ANKS1B: variants seen among roughly 807,000 people sequenced by gnomAD.
The protein encoded by ANKS1B is ankyrin repeat and sterile alpha motif domain containing 1B.
In ANKS1B, 36 loss-of-function variants were observed where a neutral mutation model predicts 148.3. That is an observed-to-expected ratio of 0.24 (90% CI 0.19 to 0.32). The LOEUF (loss-of-function observed/expected upper bound fraction) is 0.32, where lower values mean the gene tolerates loss of function less well. Among genes scored for constraint, ANKS1B ranks in the 10% least tolerant of loss-of-function variants. The pLI is 1.00. For synonymous variants in ANKS1B, 542 were observed against 560.8 expected (o/e 0.97, Z 0.47); for missense variants, 1,157 against 1,542.6 (o/e 0.75, Z 4.19).
intron 1 of ANKS1B, among the ~76,000 whole-genome samples, chr12:99,974,066 T>C (rs1049218109): frequency 2.0e-5 from 3 of 152,190 alleles, no homozygotes; most frequent in Admixed American, 6.5e-5. Context: ...TTCATTACTG[T>C]CTCATTTAAG....
intron 1 of ANKS1B, among the ~76,000 whole-genome samples, chr12:99,887,198 C>T (rs898720850): frequency 1.4e-4 from 21 of 152,206 alleles, no homozygotes; most frequent in Middle Eastern, 3.4e-3. Flanking sequence ...ACTGCAATGC[C>T]GCACTGTCCA....
At chr12:99,494,504 TG>T (rs954926662) in intron 10 of ANKS1B, among the ~76,000 whole-genome samples, 2 of 151,646 alleles carry the variant, frequency 1.3e-5, no homozygotes, top group African/African-American at 4.8e-5. Flanking sequence ...GAGGCCGAGG[TG>T]GGCGGGTTAC....
chr12:99,487,418 A>T (rs551021888), intron 10 of ANKS1B, among the ~76,000 whole-genome samples: 1 of 152,218 alleles, frequency 6.6e-6, no homozygotes, highest in African/African-American at 2.4e-5. Context: ...ATGCTTTTCT[A>T]TGTTTGTATA....
rs530554908 is a variant in ANKS1B at position 99,107,469 on chromosome 12, AAG to A, written c.2527-22448_2527-22447del. On this transcript the variant is annotated intron_variant, in intron 15 of 26. Transcript: ENST00000683438. ...CATACTCAACAGCCTGTAACATCAC[AAG>A]GACTGTCTTTGGGGTATCCATTTCT... 1.2e-4 allele frequency among the ~76,000 whole-genome samples: 18 copies of A among 152,338 alleles called. No individual in the cohort carries two copies. The South Asian group carries it at 3.5e-3, about 30-fold the overall frequency.
chr12:99,623,998 T>C lies in ANKS1B; in HGVS notation c.1272+31069A>G, dbSNP rs531887558. 6.6e-5 allele frequency among the ~76,000 whole-genome samples: 10 copies of C among 152,180 alleles called. No individual in the cohort carries two copies. In the East Asian group the frequency reaches 1.9e-3, roughly 29 times the overall value. On this transcript the variant is annotated intron_variant, in intron 9 of 26. Transcript: ENST00000683438. ...GTTGGATACATCTTATTACCCAACG[T>C]TGAACTATGCTATAAGGCTATAGTA... is the stretch of plus-strand genomic sequence containing the variant.
chr12:99,004,240 T>C (rs1308166099), intron 17 of ANKS1B, among the ~76,000 whole-genome samples: 1 of 152,190 alleles, frequency 6.6e-6, no homozygotes, highest in African/African-American at 2.4e-5. Flanking sequence ...TTTCAGCCAC[T>C]GTACATAGGG....
intron 14 of ANKS1B, among the ~76,000 whole-genome samples, chr12:99,221,802 A>G (rs1280676340): frequency 6.6e-6 from 1 of 152,200 alleles, no homozygotes; most frequent in African/African-American, 2.4e-5. Flanking sequence ...TCCCTGAACC[A>G]GCAATTTAAC....
chr12:99,055,727 G>A (rs934668191), intron 16 of ANKS1B, among the ~76,000 whole-genome samples: 9 of 149,640 alleles, frequency 6.0e-5, no homozygotes, highest in South Asian at 2.2e-4. Flanking sequence ...AACTTGGGGG[G>A]GGGGGAGGTG....
At chr12:99,341,269 T>A (rs1158888736) in intron 12 of ANKS1B, 1 of 152,156 alleles carries the variant, frequency 6.6e-6, no homozygotes, top group Non-Finnish European at 1.5e-5. Context: ...CAGAAGTGAA[T>A]CATTCTAGGT....
chr12:99,528,428 A>AAAAC (rs1169564498), intron 9 of ANKS1B, among the ~76,000 whole-genome samples: 1,896 of 87,942 alleles, frequency 0.022, 46 homozygotes, highest in African/African-American at 0.094. Flanking sequence ...AACAAAAACA[A>AAAAC]AAACAAAAAA....
At chr12:99,438,972 A>C (rs1400099940) in intron 11 of ANKS1B, among the ~76,000 whole-genome samples, 1 of 151,894 alleles carries the variant, frequency 6.6e-6, no homozygotes, top group Admixed American at 6.6e-5. Context: ...GTTATTTTTT[A>C]AAAAAGCAAA....
chr12:99,905,937 C>G (rs2093762753), intron 1 of ANKS1B, among the ~76,000 whole-genome samples: 1 of 152,146 alleles, frequency 6.6e-6, no homozygotes, highest in Admixed American at 6.6e-5. Flanking sequence ...ATAACAAGTA[C>G]CGTCTAGGTA....
intron 12 of ANKS1B, among the ~76,000 whole-genome samples, chr12:99,378,571 C>T (rs2093489594): frequency 6.7e-6 from 1 of 148,340 alleles, no homozygotes; most frequent in Admixed American, 6.9e-5. Context: ...AGGAGAATTG[C>T]TTGAACCTGG....
In ANKS1B at chr12:99,984,871, C is replaced by G. The variant is rs558789919; in HGVS notation, c.-634G>C. Among the ~76,000 whole-genome samples, 2 of 147,388 alleles carry G rather than the reference C, an allele frequency of 1.4e-5. No individual in the cohort carries two copies. Among genetic ancestry groups the G allele is most frequent in the Non-Finnish European group, 3.0e-5 (2 of 66,338 alleles). ...GGGCGGCGGCGGCGGCGAGGCCTGGCGCGCGGGGGGCGTGTGCGCGCGGGC... is the reference window on the plus strand; with the variant it reads ...GGGCGGCGGCGGCGGCGAGGCCTGGGGCGCGGGGGGCGTGTGCGCGCGGGC... On this transcript the variant is annotated 5_prime_UTR_variant, in exon 1 of 27. Transcript: ENST00000683438.
intron 12 of ANKS1B, among the ~76,000 whole-genome samples, chr12:99,398,994 C>A (rs969767851): frequency 2.6e-5 from 4 of 151,986 alleles, no homozygotes; most frequent in Non-Finnish European, 5.9e-5. Context: ...AATTATATGG[C>A]AGGGGAGGAT....
chr12:99,861,130 C>T (rs896787188), intron 1 of ANKS1B, among the ~76,000 whole-genome samples: 2 of 152,176 alleles, frequency 1.3e-5, no homozygotes, highest in African/African-American at 4.8e-5. Context: ...TCCTGTACCT[C>T]GCTTCTGTGT....
At chr12:98,839,894 A>G (rs963292367) in intron 17 of ANKS1B, among the ~76,000 whole-genome samples, 2 of 152,150 alleles carry the variant, frequency 1.3e-5, no homozygotes, top group Non-Finnish European at 2.9e-5. Flanking sequence ...TTGACACATG[A>G]TACATCCTGG....
chr12:99,031,548 G>A (rs149807891), intron 17 of ANKS1B, among the ~76,000 whole-genome samples: 1 of 152,320 alleles, frequency 6.6e-6, no homozygotes, highest in Non-Finnish European at 1.5e-5. Flanking sequence ...GAGTCTGCTG[G>A]AAAGATACTG....
chr12:99,646,325 T>C (rs961161445), intron 9 of ANKS1B, among the ~76,000 whole-genome samples: 1 of 151,978 alleles, frequency 6.6e-6, no homozygotes, highest in Non-Finnish European at 1.5e-5. Flanking sequence ...CATTTCAATA[T>C]GAAAGGAAGA....
Sources: gnomAD v4.1 joint callset for allele counts (sites outside exome capture counted in the v4.1 genomes callset) on GRCh38, gnomAD v4.1.1 for gene constraint, MANE v1.5 for transcripts, NCBI Gene and HGNC (gene_info 2026-07-23, HGNC 2026-07-21) for gene names.